Variants in TMEM132D observed in about 807,000 individuals in gnomAD.
TMEM132D encodes transmembrane protein 132D, also known as mature OL transmembrane protein.
A neutral mutation model predicts 62.3 loss-of-function variants in TMEM132D; 21 were observed. That is an observed-to-expected ratio of 0.34 (90% confidence interval 0.24 to 0.49). The LOEUF (loss-of-function observed/expected upper bound fraction) is 0.49. Among genes scored for constraint, TMEM132D ranks in the 20% least tolerant of loss-of-function variants. TMEM132D has a pLI of 0.99. For missense variants in TMEM132D, 1,346 were observed against 1,402.8 expected, an observed-to-expected ratio of 0.96 and a Z score of 0.65; for synonymous variants, 621 against 575.6, an observed-to-expected ratio of 1.08 and a Z score of -1.13.
intron 1 of TMEM132D, among the ~76,000 whole-genome samples, chr12:129,889,564 C>T (rs899504103): frequency 6.6e-6 from 1 of 152,198 alleles, no homozygotes; most frequent in Non-Finnish European, 1.5e-5. Flanking sequence ...TCACCTGCTA[C>T]TAAAATATTA....
At chr12:129,888,709 A>G (rs886671306) in intron 1 of TMEM132D, among the ~76,000 whole-genome samples, 1 of 152,198 alleles carries the variant, frequency 6.6e-6, no homozygotes, top group Non-Finnish European at 1.5e-5. Context: ...GTTTAAAAAC[A>G]AAATTCTAAC....
intron 3 of TMEM132D, among the ~76,000 whole-genome samples, chr12:129,368,441 T>C (rs1027886306): frequency 6.6e-6 from 1 of 152,250 alleles, no homozygotes; most frequent in Non-Finnish European, 1.5e-5. Flanking sequence ...TGTTCATTTG[T>C]TTAATTTAAA....
chr12:129,321,912 C>G (rs1237536459), intron 4 of TMEM132D, among the ~76,000 whole-genome samples: 3 of 151,614 alleles, frequency 2.0e-5, no homozygotes, highest in Admixed American at 2.0e-4. Context: ...CCTTCCTGCT[C>G]TTTGTCGGAC....
intron 1 of TMEM132D, among the ~76,000 whole-genome samples, chr12:129,807,881 G>A (rs1872045244): frequency 6.6e-6 from 1 of 152,180 alleles, no homozygotes; most frequent in African/African-American, 2.4e-5. Context: ...CCCTGGCTTA[G>A]TATTCAGCAT....
At chr12:129,452,057 G>A (rs1023510202) in intron 3 of TMEM132D, among the ~76,000 whole-genome samples, 15 of 152,174 alleles carry the variant, frequency 9.9e-5, no homozygotes, top group African/African-American at 2.7e-4. Flanking sequence ...GAGACGAAAT[G>A]CTATTTCTAA....
At chr12:129,183,572 C>T (rs1878131108) in intron 5 of TMEM132D, among the ~76,000 whole-genome samples, 1 of 152,250 alleles carries the variant, frequency 6.6e-6, no homozygotes, top group Non-Finnish European at 1.5e-5. Flanking sequence ...AACGGTCTTT[C>T]AGCCACACGG....
intron 2 of TMEM132D, among the ~76,000 whole-genome samples, chr12:129,568,024 G>A (rs1303891138): frequency 6.6e-6 from 1 of 152,188 alleles, no homozygotes; most frequent in African/African-American, 2.4e-5. Context: ...TTTTAAAAAG[G>A]AAAAGAGTTT....
chr12:129,085,051 C>A, intron 5 of TMEM132D: 1 of 407,704 alleles, frequency 2.5e-6, no homozygotes, highest in Non-Finnish European at 4.3e-6. Context: ...TCAGAGTTAC[C>A]CGGGAGTTAT....
At chr12:129,147,287 T>TGCATATGTATATATATACATGC (rs1302285237) in intron 5 of TMEM132D, among the ~76,000 whole-genome samples, 1 of 150,380 alleles carries the variant, frequency 6.6e-6, no homozygotes, top group African/African-American at 2.4e-5. Context: ...TATATACATG[T>TGCATATGTATATATATACATGC]GCATATGTAT....
chr12:129,479,254 T>G (rs1874360512), intron 3 of TMEM132D, among the ~76,000 whole-genome samples: 2 of 152,044 alleles, frequency 1.3e-5, no homozygotes, highest in South Asian at 4.1e-4. Context: ...TTAAGGGGAG[T>G]AGAATGAGAT....
chr12:129,199,333 C>G (rs573865112), intron 5 of TMEM132D, among the ~76,000 whole-genome samples: 11 of 152,272 alleles, frequency 7.2e-5, no homozygotes, highest in African/African-American at 2.6e-4. Context: ...AACTCCTGAG[C>G]TCATGTGATC....
At chr12:129,275,034 C>G (rs1393812602) in intron 4 of TMEM132D, among the ~76,000 whole-genome samples, 1 of 152,164 alleles carries the variant, frequency 6.6e-6, no homozygotes, top group African/African-American at 2.4e-5. Flanking sequence ...AATCCTAGCA[C>G]TTTGGGAGGT....
chr12:129,699,283 A>G (rs1881313973), intron 2 of TMEM132D, among the ~76,000 whole-genome samples: 1 of 152,156 alleles, frequency 6.6e-6, no homozygotes. Flanking sequence ...CGTTATGCTC[A>G]TTTATTTTTT....
intron 4 of TMEM132D, among the ~76,000 whole-genome samples, chr12:129,333,833 A>T (rs1006695671): frequency 5.3e-5 from 8 of 152,096 alleles, no homozygotes; most frequent in African/African-American, 1.7e-4. Flanking sequence ...AATATAAAAA[A>T]TTATAGGCCA....
chr12:129,466,325 A>C (rs1873900186), intron 3 of TMEM132D, among the ~76,000 whole-genome samples: 1 of 79,278 alleles, frequency 1.3e-5, no homozygotes, highest in Non-Finnish European at 2.2e-5. Context: ...TTTTTTTTTT[A>C]GAGATGTGGT....
intron 1 of TMEM132D, among the ~76,000 whole-genome samples, chr12:129,704,054 G>A (rs1881447134): frequency 6.6e-6 from 1 of 152,106 alleles, no homozygotes; most frequent in Admixed American, 6.5e-5. Context: ...AGGGCAGCCA[G>A]ATAAAACACA....
intron 3 of TMEM132D, among the ~76,000 whole-genome samples, chr12:129,413,995 A>G (rs951481742): frequency 6.6e-5 from 10 of 152,236 alleles, no homozygotes; most frequent in African/African-American, 1.7e-4. Context: ...ACACAAATCT[A>G]TGAGTGCAAG....
chr12:129,071,758 G>C lies in TMEM132D; in HGVS notation c.*2117C>G, dbSNP rs561642293. On this transcript the variant is annotated 3_prime_UTR_variant, in exon 9 of 9. Transcript: ENST00000422113. ...AATGCAAACTTTATATTTACAGTCA[G>C]TAAGTTTATAAATATATATTACATT... 1 of 152,272 alleles carries C rather than the reference G, an allele frequency of 6.6e-6. No individual in the cohort carries two copies. Among genetic ancestry groups the C allele is most frequent in the African/African-American group, 2.4e-5 (1 of 41,454 alleles). The allele number at this position is 152,272 out of a possible 1,614,324, so 9.4% of individuals were successfully genotyped here.
chr12:129,866,776 T>C (rs528663945), intron 1 of TMEM132D, among the ~76,000 whole-genome samples: 2 of 152,016 alleles, frequency 1.3e-5, no homozygotes, highest in African/African-American at 4.8e-5. Context: ...TGGGTATATA[T>C]CCAAAGAAAA....
Sources: allele counts gnomAD v4.1 joint callset (sites outside exome capture counted in the v4.1 genomes callset), GRCh38; gene constraint gnomAD v4.1.1; transcripts MANE v1.5; gene names NCBI Gene and HGNC (gene_info 2026-07-23, HGNC 2026-07-21).